The following WWOX variants were observed in gnomAD, a reference collection of about 807,000 sequenced individuals.
The protein encoded by WWOX is WW domain containing oxidoreductase.
A neutral mutation model predicts 46.2 loss-of-function variants in WWOX; 69 were observed. That is an observed-to-expected ratio of 1.49 (90% confidence interval 1.23 to 1.82). The LOEUF (loss-of-function observed/expected upper bound fraction) is 1.82. WWOX is among the 40% of genes most tolerant of loss of function. The pLI is 0.00. For missense variants in WWOX, 919 were observed against 542.6 expected (o/e 1.69, Z -6.89); for synonymous variants, 359 against 202.6 (o/e 1.77, Z -6.56).
At chr16:79,137,054 T>C (rs1111231) in intron 8 of WWOX, among the ~76,000 whole-genome samples, 4,158 of 152,244 alleles carry the variant, frequency 0.027, 210 homozygotes, top group African/African-American at 0.096. Flanking sequence ...CAAGGGTTAG[T>C]CGTAGCCCTC....
intron 5 of WWOX, among the ~76,000 whole-genome samples, chr16:78,332,802 A>G (rs1283218632): frequency 6.6e-6 from 1 of 152,114 alleles, no homozygotes; most frequent in East Asian, 1.9e-4. Context: ...TTCCACAGGA[A>G]ATATTAGCCC....
intron 8 of WWOX, among the ~76,000 whole-genome samples, chr16:78,758,897 C>G (rs140666435): frequency 2.1e-4 from 31 of 150,616 alleles, no homozygotes; most frequent in African/African-American, 6.9e-4. Context: ...TCTTCCCAAG[C>G]CAGCATTTTA....
At chr16:78,251,534 T>C (rs1386151922) in intron 5 of WWOX, among the ~76,000 whole-genome samples, 1 of 152,204 alleles carries the variant, frequency 6.6e-6, no homozygotes, top group Admixed American at 6.5e-5. Flanking sequence ...AATAAATAGA[T>C]AAGAAACCTG....
intron 6 of WWOX, among the ~76,000 whole-genome samples, chr16:78,413,733 A>G (rs911023847): frequency 6.6e-6 from 1 of 151,970 alleles, no homozygotes; most frequent in African/African-American, 2.4e-5. Flanking sequence ...ATGAAATCAC[A>G]GGGAATCAAA....
At chr16:78,537,210 C>G (rs2043780169) in intron 8 of WWOX, among the ~76,000 whole-genome samples, 2 of 152,102 alleles carry the variant, frequency 1.3e-5, no homozygotes, top group South Asian at 2.1e-4. Flanking sequence ...ACCCACCACA[C>G]CCAGCCAGAG....
chr16:78,514,805 C>T (rs1183384557), intron 8 of WWOX, among the ~76,000 whole-genome samples: 1 of 152,078 alleles, frequency 6.6e-6, no homozygotes, highest in Non-Finnish European at 1.5e-5. Context: ...TGTCTGCCTC[C>T]CTTCTCTCAG....
intron 8 of WWOX, among the ~76,000 whole-genome samples, chr16:78,720,813 G>C (rs962507233): frequency 6.6e-6 from 1 of 152,008 alleles, no homozygotes; most frequent in Non-Finnish European, 1.5e-5. Flanking sequence ...TCCTCCAAAA[G>C]TACATTAGAT....
At chr16:78,555,405 C>T (rs751075927) in intron 8 of WWOX, among the ~76,000 whole-genome samples, 2 of 152,080 alleles carry the variant, frequency 1.3e-5, no homozygotes, top group Non-Finnish European at 2.9e-5. Context: ...ATGTGTATAG[C>T]ATACAGAGCT....
At chr16:78,719,531 A>G (rs1452944676) in intron 8 of WWOX, among the ~76,000 whole-genome samples, 1 of 152,210 alleles carries the variant, frequency 6.6e-6, no homozygotes, top group African/African-American at 2.4e-5. Flanking sequence ...ATAGGAGACA[A>G]GTGTGTCGTT....
chr16:78,499,536 C>G (rs141712630), intron 8 of WWOX, among the ~76,000 whole-genome samples: 7 of 152,342 alleles, frequency 4.6e-5, no homozygotes, highest in African/African-American at 1.4e-4. Context: ...CATCAGCTGT[C>G]TCCTTGAGTC....
intron 8 of WWOX, among the ~76,000 whole-genome samples, chr16:78,876,362 CTCCTT>C (rs1006075005): frequency 1.3e-5 from 2 of 151,874 alleles, no homozygotes; most frequent in East Asian, 1.9e-4. Flanking sequence ...GGAATTTTCT[CTCCTT>C]TCCTTTTGTG....
At chr16:79,181,018 T>A (rs1463507787) in intron 8 of WWOX, among the ~76,000 whole-genome samples, 2 of 152,214 alleles carry the variant, frequency 1.3e-5, no homozygotes, top group African/African-American at 4.8e-5. Context: ...TTTTACATTA[T>A]TAAGTTAATA....
intron 5 of WWOX, among the ~76,000 whole-genome samples, chr16:78,344,403 C>T (rs1380780764): frequency 8.3e-6 from 1 of 121,138 alleles, no homozygotes; most frequent in Non-Finnish European, 2.0e-5. Flanking sequence ...TCCCAATGTC[C>T]ATTTTCAAAT....
chr16:79,170,341 A>G (rs2050676728), intron 8 of WWOX, among the ~76,000 whole-genome samples: 1 of 152,214 alleles, frequency 6.6e-6, no homozygotes. Flanking sequence ...TCCCCCAGCT[A>G]GGAAGTAGCA....
chr16:78,808,307 A>G (rs529537413), intron 8 of WWOX, among the ~76,000 whole-genome samples: 5 of 152,208 alleles, frequency 3.3e-5, no homozygotes, highest in Admixed American at 2.0e-4. Context: ...AGGAACAACT[A>G]CTGTATGGCC....
intron 8 of WWOX, among the ~76,000 whole-genome samples, chr16:79,006,293 C>A (rs778553682): frequency 6.6e-6 from 1 of 152,054 alleles, no homozygotes; most frequent in African/African-American, 2.4e-5. Context: ...AGATGTGAAG[C>A]GCGGGAAGTC....
chr16:78,195,218 A>C (rs2036010492), intron 5 of WWOX, among the ~76,000 whole-genome samples: 2 of 152,176 alleles, frequency 1.3e-5, no homozygotes, highest in Admixed American at 1.3e-4. Flanking sequence ...CAGCTTGAGC[A>C]CTATGACCTG....
chr16:79,013,829 C>G (rs758165198), intron 8 of WWOX, among the ~76,000 whole-genome samples: 16 of 152,160 alleles, frequency 1.1e-4, no homozygotes, highest in Non-Finnish European at 1.6e-4. Flanking sequence ...TTGGGGTCCT[C>G]TTTATTCTAC....
chr16:78,939,456 C>T (rs768425464), intron 8 of WWOX, among the ~76,000 whole-genome samples: 2 of 152,146 alleles, frequency 1.3e-5, no homozygotes, highest in South Asian at 4.1e-4. Context: ...AATATGTATC[C>T]TTTAAGGGTG....
Sources: gnomAD v4.1 joint callset for allele counts (sites outside exome capture counted in the v4.1 genomes callset) on GRCh38, gnomAD v4.1.1 for gene constraint, MANE v1.5 for transcripts, NCBI Gene and HGNC (gene_info 2026-07-23, HGNC 2026-07-21) for gene names.